Variants in DNAJC9 observed in about 807,000 individuals in gnomAD.
The protein encoded by DNAJC9 is dnaJ homolog subfamily C member 9.
Under a neutral mutation model 32.4 loss-of-function variants are expected in DNAJC9, and 18 were observed. That is an observed-to-expected ratio of 0.56 (90% CI 0.38 to 0.82). The LOEUF is 0.82. Ranked by LOEUF, DNAJC9 falls within the 40% of genes least tolerant of loss-of-function variation. The pLI, the probability that DNAJC9 is intolerant of heterozygous loss-of-function variation, is 0.00. For missense variants in DNAJC9, 310 were observed against 321.8 expected, an observed-to-expected ratio of 0.96 and a Z score of 0.28; for synonymous variants, 113 against 122.1, an observed-to-expected ratio of 0.93 and a Z score of 0.49.
At chr10:73,235,074 C>T (rs1013161764), downstream of DNAJC9, 10 of 1,443,418 alleles carry the variant, frequency 6.9e-6, no homozygotes, top group Middle Eastern at 1.8e-4. Context: ...TAATTTATGA[C>T]GTGGAATTGG....
chr10:73,241,941 A>G (rs1401106806), downstream of DNAJC9: 1 of 152,240 alleles, frequency 6.6e-6, no homozygotes, highest in Non-Finnish European at 1.5e-5. Context: ...GGCATTCATG[A>G]ATGCAGCAAC....
At chr10:73,245,230 G>GT (rs1198193545) in intron 3 of DNAJC9, among the ~76,000 whole-genome samples, 1 of 152,056 alleles carries the variant, frequency 6.6e-6, no homozygotes, top group African/African-American at 2.4e-5. Flanking sequence ...CGTCTCTTAT[G>GT]TAAAAGCTGC....
intron 2 of DNAJC9, chr10:73,233,101 C>G (rs767987832): frequency 1.0e-5 from 16 of 1,551,722 alleles, no homozygotes; most frequent in Non-Finnish European, 1.4e-5. Flanking sequence ...ATCCGATCAG[C>G]ACGAGCCATT....
chr10:73,233,167 G>A (rs2043750172), intron 2 of DNAJC9: 6 of 1,545,126 alleles, frequency 3.9e-6, no homozygotes, highest in Non-Finnish European at 5.3e-6. Context: ...CCCGAGTGTA[G>A]GTTTCAAAAG....
chr10:73,238,343 C>T (rs189160144), downstream of DNAJC9, among the ~76,000 whole-genome samples: 374 of 152,304 alleles, frequency 2.5e-3, no homozygotes, highest in African/African-American at 8.5e-3. Flanking sequence ...CGAGAAGACT[C>T]TGTCCCCCCA....
downstream of DNAJC9, chr10:73,241,944 G>A (rs2133422359): frequency 6.6e-6 from 1 of 152,302 alleles, no homozygotes; most frequent in South Asian, 2.1e-4. Flanking sequence ...ATTCATGAAT[G>A]CAGCAACAGT....
chr10:73,237,877 C>T (rs570734377), downstream of DNAJC9, among the ~76,000 whole-genome samples: 70 of 152,330 alleles, frequency 4.6e-4, no homozygotes, highest in Admixed American at 2.7e-3. Context: ...GTGTGCACCT[C>T]TGCACCTGGC....
chr10:73,241,216 T>C (rs2043945844), downstream of DNAJC9: 1 of 544,844 alleles, frequency 1.8e-6, no homozygotes, highest in South Asian at 2.0e-5. Context: ...TATCTCCAGT[T>C]ACTGTCTCTT....
downstream of DNAJC9, chr10:73,234,835 G>A: frequency 3.9e-6 from 6 of 1,551,470 alleles, no homozygotes; most frequent in East Asian, 2.4e-5. Context: ...CACCCGACTC[G>A]CTCTCCTCTC....
chr10:73,245,634 T>C (rs957924389), intron 3 of DNAJC9, among the ~76,000 whole-genome samples: 2 of 152,140 alleles, frequency 1.3e-5, no homozygotes, highest in Non-Finnish European at 2.9e-5. Context: ...TCCTGAGGAA[T>C]GCCTCAGGAA....
chr10:73,244,504 GA>G (rs796100576), intron 3 of DNAJC9: 1,107 of 69,750 alleles, frequency 0.016, 23 homozygotes, highest in East Asian at 0.13. Flanking sequence ...AGAAAAAAGA[GA>G]AAAAAAAAAA....
chr10:73,239,209 C>A, downstream of DNAJC9: 2 of 943,328 alleles, frequency 2.1e-6, no homozygotes, highest in Non-Finnish European at 3.3e-6. Flanking sequence ...GTAGTCTATG[C>A]CTTTTACCAC....
chr10:73,245,882 A>G (rs762805593), intron 3 of DNAJC9, 40 bp downstream of exon 3: 6 of 1,594,446 alleles, frequency 3.8e-6, no homozygotes, highest in African/African-American at 1.4e-5. Context: ...TCCTTTTTGG[A>G]AGCAGTCAAA....
At chr10:73,237,443 G>A (rs2043845978), downstream of DNAJC9, among the ~76,000 whole-genome samples, 1 of 151,558 alleles carries the variant, frequency 6.6e-6, no homozygotes, top group South Asian at 2.1e-4. Context: ...TTGAGACGGA[G>A]TCTTACTCTG....
downstream of DNAJC9, among the ~76,000 whole-genome samples, chr10:73,237,793 A>C (rs999816203): frequency 6.6e-6 from 1 of 151,934 alleles, no homozygotes; most frequent in Non-Finnish European, 1.5e-5. Context: ...TGGTGCAATC[A>C]GCACACTGCA....
In DNAJC9 at chr10:73,243,885, C is replaced by T. The variant is rs1242002183; in HGVS notation, c.621G>A (p.Leu207=). 1.9e-6 allele frequency: 3 copies of T among 1,614,014 alleles called. No homozygotes were observed. The highest frequency in any genetic ancestry group is 1.7e-5 in the Admixed American group (1 of 59,996). ...AKEAEMSRKE[L]GLDEGVDSLK... is the part of the protein sequence containing the mutation. ...GGCTATCCACGCCTTCATCAAGCCCCAACTCCTTTCTGCTCATTTCTGCTT... is the reference window on the plus strand; with the variant it reads ...GGCTATCCACGCCTTCATCAAGCCCTAACTCCTTTCTGCTCATTTCTGCTT... Residue 207 remains leucine, a synonymous_variant, in exon 4 of 5, where the codon TTG becomes TTA. Coordinates refer to ENST00000372950, the MANE Select transcript of DNAJC9 (RefSeq NM_015190.5).
chr10:73,236,430 T>G (rs1589196450), downstream of DNAJC9, among the ~76,000 whole-genome samples: 1 of 151,414 alleles, frequency 6.6e-6, no homozygotes, highest in African/African-American at 2.4e-5. Context: ...TTTTTTTTTT[T>G]TGAGACGGAG....
chr10:73,232,399 A>G (rs7073209), intron 2 of DNAJC9, among the ~76,000 whole-genome samples: 1 of 152,036 alleles, frequency 6.6e-6, no homozygotes, highest in African/African-American at 2.4e-5. Flanking sequence ...CCCTTTGCCC[A>G]CTCCCAGCTT....
chr10:73,243,738 T>G, intron 4 of DNAJC9, 105 bp downstream of exon 4: 1 of 1,162,440 alleles, frequency 8.6e-7, no homozygotes, highest in Middle Eastern at 2.2e-4. Context: ...ATAGAAGGTA[T>G]GCGGTTATGT....
Sources: gnomAD v4.1 joint callset for allele counts (sites outside exome capture counted in the v4.1 genomes callset) on GRCh38, gnomAD v4.1.1 for gene constraint, MANE v1.5 for transcripts, NCBI Gene and HGNC (gene_info 2026-07-23, HGNC 2026-07-21) for gene names.